GLIS3: variants seen among roughly 807,000 people sequenced by gnomAD.
GLIS3 encodes zinc finger protein GLIS3.
A neutral mutation model predicts 78.6 loss-of-function variants in GLIS3; 53 were observed. The observed-to-expected ratio is 0.67, with a 90% CI of 0.54 to 0.85. The LOEUF is 0.85. GLIS3 is among the 40% of genes least tolerant of loss of function. The probability of loss-of-function intolerance (pLI) is 0.00; values close to 1 mark genes in which losing one functional copy is unlikely to be tolerated. For missense variants in GLIS3, 1,703 were observed against 1,231.1 expected (o/e 1.38, Z -5.74); for synonymous variants, 684 against 509.9 (o/e 1.34, Z -4.60).
chr9:4,312,524 T>C (rs1455845621), intron 2 of GLIS3, among the ~76,000 whole-genome samples: 2 of 152,262 alleles, frequency 1.3e-5, no homozygotes, highest in African/African-American at 2.4e-5. Context: ...TGAGCATGCA[T>C]GTACATACAT....
At chr9:4,083,210 T>A (rs1828709062) in intron 4 of GLIS3, among the ~76,000 whole-genome samples, 1 of 152,176 alleles carries the variant, frequency 6.6e-6, no homozygotes, top group African/African-American at 2.4e-5. Flanking sequence ...TTATGTGTGT[T>A]TAATGAAAAC....
intron 2 of GLIS3, among the ~76,000 whole-genome samples, chr9:4,165,517 A>G (rs938076790): frequency 6.6e-6 from 1 of 152,236 alleles, no homozygotes; most frequent in Non-Finnish European, 1.5e-5. Flanking sequence ...TTGTTTACAG[A>G]TAAATGCTTA....
rs768664577 is a variant in GLIS3, at chr9:4,133,874, A to ACACACACACC, written c.389-7934_389-7933insGGTGTGTGTG. 4.4e-3 allele frequency among the ~76,000 whole-genome samples: 551 copies of ACACACACACC among 123,968 alleles called. 19 individuals are homozygous for ACACACACACC. Among genetic ancestry groups the ACACACACACC allele is most frequent in the Non-Finnish European group, 5.2e-3 (297 of 57,558 alleles). The allele number at this position is 123,968 out of a possible 152,430, so 81.3% of individuals were successfully genotyped here. A position where few individuals can be genotyped will look rare whatever the true frequency, so the allele number is the denominator to read the frequency against. ...CACACACACACACACACACACACAC[A>ACACACACACC]CCGTACATCTGTCCTCGCCTGAACG... On this transcript the variant is annotated intron_variant, in intron 2 of 10. Transcript: ENST00000381971.
intron 2 of GLIS3, among the ~76,000 whole-genome samples, chr9:4,265,029 G>C (rs565297843): frequency 6.7e-6 from 1 of 150,362 alleles, no homozygotes; most frequent in Non-Finnish European, 1.5e-5. Context: ...AAAATTAGCC[G>C]GGTGTGGTGG....
chr9:3,864,595 A>T (rs1330234109), intron 8 of GLIS3, among the ~76,000 whole-genome samples: 1 of 152,324 alleles, frequency 6.6e-6, no homozygotes, highest in East Asian at 1.9e-4. Flanking sequence ...CATAATCCAT[A>T]CATTTGAAAA....
the GLIS3 span, among the ~76,000 whole-genome samples, chr9:4,475,104 C>A: frequency 1.3e-5 from 2 of 149,502 alleles, no homozygotes. Context: ...GGTGATTCCC[C>A]TTCCTCAGCC....
At chr9:3,918,800 T>C (rs1297331645) in intron 6 of GLIS3, among the ~76,000 whole-genome samples, 2 of 152,120 alleles carry the variant, frequency 1.3e-5, no homozygotes, top group African/African-American at 2.4e-5. Flanking sequence ...TATAATCAAT[T>C]TGAGTCACCC....
chr9:4,161,675 C>CTTTTTTT (rs55904647), intron 2 of GLIS3, among the ~76,000 whole-genome samples: 8 of 114,214 alleles, frequency 7.0e-5, no homozygotes, highest in South Asian at 3.0e-4. Flanking sequence ...TGCTAGAAGT[C>CTTTTTTT]TTTTTTTTTT....
intron 4 of GLIS3, among the ~76,000 whole-genome samples, chr9:4,091,532 AACAC>A (rs111412514): frequency 1.3e-5 from 1 of 79,704 alleles, no homozygotes; most frequent in African/African-American, 3.6e-5. Flanking sequence ...CGTGCACACA[AACAC>A]ACACACACAC....
intron 2 of GLIS3, among the ~76,000 whole-genome samples, chr9:4,209,336 G>C (rs112168812): frequency 0.019 from 2,939 of 152,228 alleles, 94 homozygotes; most frequent in African/African-American, 0.068. Context: ...GATGCATAGG[G>C]TATCTGGGTT....
chr9:4,306,946 C>A (rs1419499715), intron 4 of GLIS3, among the ~76,000 whole-genome samples: 1 of 152,178 alleles, frequency 6.6e-6, no homozygotes, highest in African/African-American at 2.4e-5. Flanking sequence ...CAGCAGATTG[C>A]GTAAGTCAGA....
intron 8 of GLIS3, among the ~76,000 whole-genome samples, chr9:3,871,823 AT>A (rs1433181759): frequency 4.6e-5 from 7 of 152,194 alleles, no homozygotes; most frequent in Non-Finnish European, 1.0e-4. Flanking sequence ...GGGAATTAAC[AT>A]TTGGCTCCTC....
chr9:4,219,813 C>G (rs1339862646), intron 2 of GLIS3, among the ~76,000 whole-genome samples: 1 of 152,102 alleles, frequency 6.6e-6, no homozygotes, highest in African/African-American at 2.4e-5. Context: ...AGGGGTGGAG[C>G]CTGTCCAGCT....
chr9:4,413,863 C>G, the GLIS3 span, among the ~76,000 whole-genome samples: 4 of 152,104 alleles, frequency 2.6e-5, no homozygotes, highest in Admixed American at 2.6e-4. Context: ...CAACCAAAAA[C>G]TTGGATTTTG....
intron 2 of GLIS3, among the ~76,000 whole-genome samples, chr9:4,248,430 TA>T (rs1463818110): frequency 2.6e-5 from 4 of 152,248 alleles, no homozygotes; most frequent in Non-Finnish European, 4.4e-5. Context: ...AATTCTTTTT[TA>T]TGGCTGCATA....
At chr9:4,245,552 G>C (rs939652784) in intron 2 of GLIS3, among the ~76,000 whole-genome samples, 1 of 152,220 alleles carries the variant, frequency 6.6e-6, no homozygotes, top group African/African-American at 2.4e-5. Context: ...GTAAGGATGT[G>C]CAGTGGATGC....
chr9:4,370,750 C>T, the GLIS3 span, among the ~76,000 whole-genome samples: 2 of 151,284 alleles, frequency 1.3e-5, no homozygotes, highest in African/African-American at 2.4e-5. Flanking sequence ...AGTATTATAT[C>T]CTTTCATTCA....
the GLIS3 span, among the ~76,000 whole-genome samples, chr9:4,376,427 T>C: frequency 7.2e-6 from 1 of 137,942 alleles, no homozygotes; most frequent in Non-Finnish European, 1.6e-5. Flanking sequence ...ATATGCTCTC[T>C]TTCTAAACAC....
intron 2 of GLIS3, among the ~76,000 whole-genome samples, chr9:4,263,626 A>G (rs1469506744): frequency 6.6e-6 from 1 of 152,224 alleles, no homozygotes; most frequent in Non-Finnish European, 1.5e-5. Context: ...ATGTCACCAG[A>G]GACACAGAAG....
Sources: gnomAD v4.1 joint callset for allele counts (sites outside exome capture counted in the v4.1 genomes callset) on GRCh38, gnomAD v4.1.1 for gene constraint, MANE v1.5 for transcripts, NCBI Gene and HGNC (gene_info 2026-07-23, HGNC 2026-07-21) for gene names.